ZNF324B: variants seen among roughly 807,000 people sequenced by gnomAD.
ZNF324B encodes the protein zinc finger protein 324B.
A neutral mutation model predicts 10.6 loss-of-function variants in ZNF324B; 7 were observed. The ratio of observed to expected loss-of-function variants is 0.66; its 90% CI spans 0.38 to 1.24. The LOEUF (loss-of-function observed/expected upper bound fraction) is 1.24, where lower values mean the gene tolerates loss of function less well. ZNF324B is among the 50% of genes most tolerant of loss of function. The pLI, the probability that ZNF324B is intolerant of heterozygous loss-of-function variation, is 0.02. For synonymous variants in ZNF324B, 316 were observed against 321.0 expected (o/e 0.98, Z 0.17); for missense variants, 640 against 764.7 (o/e 0.84, Z 1.92).
chr19:58,450,704 A>G (rs2052849890), upstream of ZNF324B, among the ~76,000 whole-genome samples: 1 of 152,218 alleles, frequency 6.6e-6, no homozygotes, highest in South Asian at 2.1e-4. Flanking sequence ...AGGTGGGTAT[A>G]GAGGAAGACA....
the ZNF324B span, chr19:58,440,152 A>C: frequency 5.4e-6 from 2 of 367,206 alleles, no homozygotes; most frequent in East Asian, 6.7e-5. Flanking sequence ...GAGGACCGCA[A>C]TGGCGGCGCC....
In ZNF324B at chr19:58,455,862, C is replaced by T. The variant is rs1456762468; in HGVS notation, c.918C>T (p.Ile306=). Residue 306 remains isoleucine, a synonymous_variant, in exon 4 of 4, where the codon ATC becomes ATT. Coordinates refer to ENST00000336614, the MANE Select transcript of ZNF324B (RefSeq NM_207395.3). This position sits in a 1 kb window ranked among gnomAD's most constrained non-coding sequence, Gnocchi z 7.0. Reference sequence around the variant, plus strand: ...CGCACTTGACGCAGCACCAGCGCATCCACAGCGGCGAGACGCCCTACGCGT... The same window carrying T: ...CGCACTTGACGCAGCACCAGCGCATTCACAGCGGCGAGACGCCCTACGCGT... ...QTSHLTQHQR[I]HSGETPYACP... The T allele has an allele frequency of 1.2e-6, 2 of 1,612,264 alleles. No individual in the cohort carries two copies. Among genetic ancestry groups the T allele is most frequent in the Non-Finnish European group, 1.7e-6 (2 of 1,179,106 alleles).
chr19:58,455,574 C>T lies in ZNF324B; in HGVS notation c.630C>T (p.Ala210=). 2 of 1,614,116 alleles carry T rather than the reference C, an allele frequency of 1.2e-6. No individual in the cohort carries two copies. Among genetic ancestry groups the T allele is most frequent in the East Asian group, 2.2e-5 (1 of 44,882 alleles). The change falls in exon 4 of 4, where the codon GCC becomes GCT. Residue 210 remains alanine (A), a synonymous_variant. Coordinates refer to ENST00000336614, the MANE Select transcript of ZNF324B (RefSeq NM_207395.3). The surrounding 1 kb of genome is among the most constrained non-coding windows in gnomAD (Gnocchi z 7.0). ...TCCCTGGGAGAGCCTTCGGGAATGC[C>T]TCGGACCTGAAGGCCGCCAGTGGTG... The part of the protein sequence containing the change: ...QEVPGRAFGN[A]SDLKAASGGR...
At position 58,457,783 on chromosome 19, in the gene ZNF324B, A is replaced by G. The variant is rs1421729002; in HGVS notation, c.*1204A>G. ...AAGAAATTAATGGTCTTTTCAATGG[A>G]GAAAAAAAAAGACTAGTATTTGCAA... is the stretch of plus-strand genomic sequence containing the variant. On this transcript the variant is annotated 3_prime_UTR_variant, in exon 4 of 4. Transcript: ENST00000336614. The G allele has an allele frequency of 2.6e-5, 4 of 152,042 alleles. No individual in the cohort carries two copies. The highest frequency in any genetic ancestry group is 4.4e-5 in the Non-Finnish European group (3 of 68,004). 9.4% of individuals were successfully genotyped at this position (152,042 alleles called of 1,614,324 possible).
chr19:58,422,608 A>G, the ZNF324B span, among the ~76,000 whole-genome samples: 3 of 152,242 alleles, frequency 2.0e-5, no homozygotes, highest in Non-Finnish European at 4.4e-5. Flanking sequence ...TACACCAGTA[A>G]TGATCTAGCT....
intron 1 of ZNF324B, among the ~76,000 whole-genome samples, chr19:58,451,915 G>T (rs1265295278): frequency 6.6e-6 from 1 of 152,224 alleles, no homozygotes; most frequent in Non-Finnish European, 1.5e-5. Context: ...CGGGGATGGC[G>T]GTCCCGGGTG....
the ZNF324B span, chr19:58,440,172 G>A: frequency 8.8e-6 from 3 of 341,676 alleles, no homozygotes. Context: ...CGGAAGTCCC[G>A]CCTCTCAATG....
At chr19:58,448,742 A>C (rs1405775814), upstream of ZNF324B, among the ~76,000 whole-genome samples, 1 of 152,162 alleles carries the variant, frequency 6.6e-6, no homozygotes, top group African/African-American at 2.4e-5. Flanking sequence ...AAATAAAAAT[A>C]AAAATAAAGT....
chr19:58,432,251 TAC>T, the ZNF324B span: 2 of 509,670 alleles, frequency 3.9e-6, no homozygotes, highest in African/African-American at 1.9e-5. Flanking sequence ...GGTGCCAAGA[TAC>T]AGTTTGAGAG....
the ZNF324B span, among the ~76,000 whole-genome samples, chr19:58,424,477 A>G: frequency 6.6e-6 from 1 of 152,238 alleles, no homozygotes; most frequent in Non-Finnish European, 1.5e-5. Flanking sequence ...CACACTTGAA[A>G]AGTTGTTCAA....
the ZNF324B span, among the ~76,000 whole-genome samples, chr19:58,424,346 T>C: frequency 6.6e-6 from 1 of 152,206 alleles, no homozygotes; most frequent in African/African-American, 2.4e-5. Flanking sequence ...TCGACATCTT[T>C]TATCTCAAAT....
At chr19:58,431,598 G>A in the ZNF324B span, among the ~76,000 whole-genome samples, 1 of 152,156 alleles carries the variant, frequency 6.6e-6, no homozygotes, top group African/African-American at 2.4e-5. Flanking sequence ...TCACATCCCA[G>A]CCAATGCTCT....
the ZNF324B span, chr19:58,440,165 AAGTC>A: frequency 3.4e-5 from 12 of 351,348 alleles, no homozygotes; most frequent in South Asian, 3.7e-4. Context: ...GCGGCGCCGG[AAGTC>A]CCGCCTCTCA....
At chr19:58,448,873 A>G (rs1031452789), upstream of ZNF324B, among the ~76,000 whole-genome samples, 17 of 152,274 alleles carry the variant, frequency 1.1e-4, no homozygotes, top group Non-Finnish European at 1.9e-4. Flanking sequence ...CAGCCTGACC[A>G]TGCAACAGAA....
At chr19:58,432,974 T>C in the ZNF324B span, 1 of 179,160 alleles carries the variant, frequency 5.6e-6, no homozygotes, top group Non-Finnish European at 1.2e-5. Flanking sequence ...TCAAATTAGA[T>C]TTCCCTCAAG....
At chr19:58,430,445 A>G in the ZNF324B span, 1 of 152,260 alleles carries the variant, frequency 6.6e-6, no homozygotes. Context: ...CTGCAATAGC[A>G]GTAATACAGT....
Position 58,456,515 on chromosome 19 carries a change from G to A in ZNF324B, c.1571G>A (p.Gly524Glu), listed in dbSNP as rs1050411617. The A allele has an allele frequency of 6.2e-7, 1 of 1,614,220 alleles. No homozygotes were observed. ...ACCCCGGGGCCAGGTTTCCTTCAGG[G>A]ACATCATCGGAAGGTGCGCCGGGGA... ...DCTPGPGFLQ[G>E]HHRKVRRGGK... is the part of the protein sequence containing the mutation. Residue 524 changes from glycine (G) to glutamate (E), a missense_variant, in exon 4 of 4, where the codon GGA (glycine) becomes GAA (glutamate). Gly to Glu is a moderately conservative substitution (Grantham distance 98). Coordinates refer to ENST00000336614, the MANE Select transcript of ZNF324B (RefSeq NM_207395.3). This position sits in a 1 kb window ranked among gnomAD's most constrained non-coding sequence, Gnocchi z 4.7.
chr19:58,452,051 C>T (rs961984731), intron 1 of ZNF324B: 1 of 191,794 alleles, frequency 5.2e-6, no homozygotes, highest in Non-Finnish European at 1.1e-5. Context: ...GAGGCCGCTT[C>T]CTAGACCTCG....
chr19:58,443,769 T>C, the ZNF324B span: 3 of 152,246 alleles, frequency 2.0e-5, no homozygotes, highest in Admixed American at 6.5e-5. Flanking sequence ...GACATGGTCA[T>C]TGATTGTGGG....
Sources: gnomAD v4.1 joint callset for allele counts (sites outside exome capture counted in the v4.1 genomes callset) on GRCh38, gnomAD v4.1.1 for gene constraint, Gnocchi (gnomAD v3.1) non-coding constraint, MANE v1.5 for transcripts, NCBI Gene and HGNC (gene_info 2026-07-23, HGNC 2026-07-21) for gene names.